SDK2: variants seen among roughly 807,000 people sequenced by gnomAD.
The protein encoded by SDK2 is protein sidekick-2.
Under a neutral mutation model 253.9 loss-of-function variants are expected in SDK2, and 105 were observed. The observed-to-expected ratio is 0.41, with a 90% confidence interval of 0.35 to 0.49. The LOEUF (loss-of-function observed/expected upper bound fraction) is 0.49, where lower values mean the gene tolerates loss of function less well. Among genes scored for constraint, SDK2 ranks in the 20% least tolerant of loss-of-function variants. The pLI is 0.06. For missense variants in SDK2, 2,608 were observed against 3,003.0 expected (o/e 0.87, Z 3.07); for synonymous variants, 1,249 against 1,234.9 (o/e 1.01, Z -0.24).
chr17:73,475,544 CAAACG>C (rs2063680700), intron 2 of SDK2, among the ~76,000 whole-genome samples: 1 of 152,174 alleles, frequency 6.6e-6, no homozygotes, highest in Non-Finnish European at 1.5e-5. Flanking sequence ...CAGAGACAAA[CAAACG>C]AAAGCTAGAA....
rs1003528761 is a variant in SDK2 at position 73,395,550 on chromosome 17, G to C, written c.3355-158C>G. ...CATGAGGCTCTCTCACCCGAGTGTGGCTTAGGTTGTGTGACTGTGTTTCTG... is the reference window on the plus strand; with the variant it reads ...CATGAGGCTCTCTCACCCGAGTGTGCCTTAGGTTGTGTGACTGTGTTTCTG... On this transcript the variant is annotated intron_variant, in intron 24 of 44. Transcript: ENST00000392650. The surrounding 1 kb of genome is among the most constrained non-coding windows in gnomAD (Gnocchi z 4.3). 2.0e-5 allele frequency among the ~76,000 whole-genome samples: 3 copies of C among 152,218 alleles called. No homozygotes were observed. The South Asian group carries it at 6.2e-4, about 31-fold the overall frequency.
chr17:73,386,732 C>T (rs1002247570), intron 30 of SDK2, among the ~76,000 whole-genome samples, 184 bp from the exon 31 acceptor site: 4 of 152,120 alleles, frequency 2.6e-5, no homozygotes, highest in Non-Finnish European at 4.4e-5. Context: ...AAACTGGGAC[C>T]CGGCCCCAGG....
Position 73,483,696 on chromosome 17 carries a change from TATATATATATA to T in SDK2, c.225-11489_225-11479del, listed in dbSNP as rs1270051477. Among the ~76,000 whole-genome samples the T allele has an allele frequency of 9.8e-4, 80 of 81,454 alleles. 5 individuals are homozygous for T. Among genetic ancestry groups the T allele is most frequent in the African/African-American group, 2.0e-3 (40 of 19,524 alleles). 53.4% of individuals were successfully genotyped at this position (81,454 alleles called of 152,430 possible). Reference sequence around the variant, plus strand: ...ATATATATATATTTATATATATATATATATATATATATTTTTTTTTTTTTTTAGTAGAGTTG... The same window carrying T: ...ATATATATATATTTATATATATATATTTTTTTTTTTTTTTTAGTAGAGTTG... On this transcript the variant is annotated intron_variant, in intron 2 of 44. Coordinates refer to ENST00000392650, the MANE Select transcript of SDK2 (RefSeq NM_001144952.2).
At chr17:73,434,329 C>T (rs549828408) in intron 9 of SDK2, among the ~76,000 whole-genome samples, 86 of 152,252 alleles carry the variant, frequency 5.6e-4, no homozygotes, top group Non-Finnish European at 8.8e-4. Context: ...GGGCAGCCTC[C>T]TGGCTTTGCA....
rs149731522 is a variant in SDK2 at position 73,395,181 on chromosome 17, G to C, written c.3566C>G (p.Thr1189Arg). 3 of 1,604,092 alleles carry C rather than the reference G, an allele frequency of 1.9e-6. No individual in the cohort carries two copies. The highest frequency in any genetic ancestry group is 1.7e-5 in the Admixed American group (1 of 58,652). The change falls in exon 25 of 45, where the codon ACG (threonine) becomes AGG (arginine). Residue 1189 changes from threonine to arginine, a missense_variant. Coordinates refer to ENST00000392650, the MANE Select transcript of SDK2 (RefSeq NM_001144952.2). This position sits in a 1 kb window ranked among gnomAD's most constrained non-coding sequence, Gnocchi z 4.3. The stretch of plus-strand genomic sequence containing the variant: ...TGACTCCCGGGTCCTGCCCACCACC[G>C]TCTGGCTCCAGGGCCCGCTCCCGAT... ...NAIGSGPWSQ[T>R]VVGRTRESVP... is the part of the protein sequence containing the mutation.
chr17:73,530,305 G>T (rs1372632257), intron 1 of SDK2, among the ~76,000 whole-genome samples: 1 of 152,208 alleles, frequency 6.6e-6, no homozygotes, highest in African/African-American at 2.4e-5. Context: ...AGGCGAAGGG[G>T]AAGCAAGGCA....
chr17:73,535,681 T>C (rs2044760898), intron 1 of SDK2, among the ~76,000 whole-genome samples: 1 of 152,178 alleles, frequency 6.6e-6, no homozygotes, highest in Non-Finnish European at 1.5e-5. Flanking sequence ...GGCTACGGAT[T>C]GGGAAGAGAG....
At chr17:73,513,197 G>T (rs1247270560) in intron 1 of SDK2, among the ~76,000 whole-genome samples, 1 of 149,904 alleles carries the variant, frequency 6.7e-6, no homozygotes, top group Non-Finnish European at 1.5e-5. Flanking sequence ...ACTGGGGAAA[G>T]ATATTTGCAA....
At chr17:73,375,366 G>A (rs533767304) in intron 36 of SDK2, among the ~76,000 whole-genome samples, 2 of 141,294 alleles carry the variant, frequency 1.4e-5, no homozygotes, top group East Asian at 2.1e-4. Flanking sequence ...CTCCCACCCC[G>A]TTGGCTGGGA....
At chr17:73,411,486 GGCCTCCCCTCAAATGCTCT>G (rs1427216496) in intron 18 of SDK2, among the ~76,000 whole-genome samples, 1 of 152,134 alleles carries the variant, frequency 6.6e-6, no homozygotes, top group East Asian at 1.9e-4. Context: ...CTTCACAGCT[GGCCTCCCCTCAAATGCTCT>G]GCCTCCCCTC....
intron 18 of SDK2, among the ~76,000 whole-genome samples, chr17:73,408,069 T>TTTTTTTTA (rs1599535398): frequency 1.4e-5 from 2 of 144,258 alleles, no homozygotes; most frequent in African/African-American, 2.5e-5. Flanking sequence ...TTTTTTCTTT[T>TTTTTTTTA]GAGACAGAGT....
chr17:73,372,935 CATT>C (rs1178974746), intron 36 of SDK2, among the ~76,000 whole-genome samples: 3 of 152,156 alleles, frequency 2.0e-5, no homozygotes, highest in Non-Finnish European at 4.4e-5. Flanking sequence ...AATACGGTAT[CATT>C]AACTATCATC....
At chr17:73,633,707 A>G (rs1325791313) in intron 1 of SDK2, among the ~76,000 whole-genome samples, 1 of 152,230 alleles carries the variant, frequency 6.6e-6, no homozygotes, top group Non-Finnish European at 1.5e-5. Context: ...GGAGTTCACA[A>G]TTAAAGAAAT....
intron 1 of SDK2, among the ~76,000 whole-genome samples, chr17:73,627,984 G>A (rs531109733): frequency 4.8e-4 from 73 of 152,280 alleles, no homozygotes; most frequent in Non-Finnish European, 8.2e-4. Flanking sequence ...CCCGGGAGGC[G>A]GAGCTTGCAG....
At chr17:73,595,681 G>A (rs903540774) in intron 1 of SDK2, among the ~76,000 whole-genome samples, 1 of 152,208 alleles carries the variant, frequency 6.6e-6, no homozygotes, top group Non-Finnish European at 1.5e-5. Flanking sequence ...GCTGGGGTGC[G>A]GGGAGTAGCC....
At chr17:73,417,241 T>TAAA (rs112364858) in intron 16 of SDK2, among the ~76,000 whole-genome samples, 2 of 141,052 alleles carry the variant, frequency 1.4e-5, no homozygotes, top group African/African-American at 5.2e-5. Flanking sequence ...TTGTCTCTAC[T>TAAA]AAAAAAAAAA....
intron 1 of SDK2, among the ~76,000 whole-genome samples, chr17:73,512,063 T>C (rs1336272004): frequency 6.6e-6 from 1 of 152,146 alleles, no homozygotes; most frequent in African/African-American, 2.4e-5. Flanking sequence ...TGTGCACATA[T>C]CTGTGTGTAT....
At chr17:73,521,602 G>T (rs1456434054) in intron 1 of SDK2, among the ~76,000 whole-genome samples, 2 of 152,154 alleles carry the variant, frequency 1.3e-5, no homozygotes, top group Non-Finnish European at 2.9e-5. Flanking sequence ...GGGCTCAGGC[G>T]CTGGGTCTCC....
intron 32 of SDK2, among the ~76,000 whole-genome samples, chr17:73,384,941 G>T (rs1012856591): frequency 6.6e-6 from 1 of 152,226 alleles, no homozygotes; most frequent in African/African-American, 2.4e-5. Context: ...CTGCCACGTT[G>T]CTCCAGCCTC....
Sources: allele counts gnomAD v4.1 joint callset (sites outside exome capture counted in the v4.1 genomes callset), GRCh38; gene constraint gnomAD v4.1.1; non-coding constraint Gnocchi (gnomAD v3.1); transcripts MANE v1.5; gene names NCBI Gene and HGNC (gene_info 2026-07-23, HGNC 2026-07-21).